The following SLC22A3 variants were observed in gnomAD, a reference collection of about 807,000 sequenced individuals.
SLC22A3 encodes the protein solute carrier family 22 member 3, also known as EMT organic cation transporter 3.
In SLC22A3, 51 loss-of-function variants were observed where a neutral mutation model predicts 59.1. The observed-to-expected ratio is 0.86, with a 90% CI of 0.69 to 1.09. SLC22A3 has a LOEUF of 1.09. Among genes scored for constraint, SLC22A3 ranks in the 50% least tolerant of loss-of-function variants. The pLI, the probability that SLC22A3 is intolerant of heterozygous loss-of-function variation, is 0.00. For missense variants in SLC22A3, 711 were observed against 726.3 expected, an observed-to-expected ratio of 0.98 and a Z score of 0.24; for synonymous variants, 325 against 292.0, an observed-to-expected ratio of 1.11 and a Z score of -1.15.
intron 5 of SLC22A3, among the ~76,000 whole-genome samples, chr6:160,420,266 G>A (rs1403893184): frequency 1.3e-5 from 2 of 152,198 alleles, no homozygotes; most frequent in Non-Finnish European, 2.9e-5. Context: ...CCTTGGAGCA[G>A]GCTAGGCAGA....
chr6:160,409,035 T>TA, intron 4 of SLC22A3, 114 bp downstream of exon 4: 1 of 780,214 alleles, frequency 1.3e-6, no homozygotes, highest in Non-Finnish European at 1.9e-6. Context: ...TTTTTTTTTA[T>TA]TATACTCTAA....
rs1788982068 is a variant in SLC22A3, at chr6:160,451,927, G to A, written c.*871G>A. 2 of 152,176 alleles carry A rather than the reference G, an allele frequency of 1.3e-5. No individual in the cohort carries two copies. Among genetic ancestry groups the A allele is most frequent in the South Asian group, 4.1e-4 (2 of 4,828 alleles). The allele number at this position is 152,176 out of a possible 1,614,324, so 9.4% of individuals were successfully genotyped here. Reference sequence around the variant, plus strand: ...AGGGATATTTTTCTTATATTTGTGAGTTCAGTTCCGATGGTGCCCGTGGTC... The same window carrying A: ...AGGGATATTTTTCTTATATTTGTGAATTCAGTTCCGATGGTGCCCGTGGTC... On this transcript the variant is annotated 3_prime_UTR_variant, in exon 11 of 11. Transcript: ENST00000275300.
Position 160,410,907 on chromosome 6 carries a change from T to G in SLC22A3, c.975+61T>G, listed in dbSNP as rs16891579. 0.013 allele frequency: 12,763 copies of G among 959,580 alleles called. 625 individuals are homozygous for G. In the African/African-American group the frequency reaches 0.14, roughly 10 times the overall value. The allele number at this position is 959,580 out of a possible 1,614,324, so 59.4% of individuals were successfully genotyped here. ...AAGCTGGTGAATTGATTTTGTTGCT[T>G]CTTGTGTACTTAATGTTGCTTCTTA... On this transcript the variant is annotated intron_variant, in intron 5 of 10. Transcript: ENST00000275300.
intron 1 of SLC22A3, among the ~76,000 whole-genome samples, chr6:160,384,056 A>C (rs1465245719): frequency 2.6e-5 from 4 of 152,112 alleles, no homozygotes; most frequent in African/African-American, 9.7e-5. Context: ...CAGCCTCCTG[A>C]ATAGCTGGGA....
At chr6:160,356,703 C>G (rs1471241225) in intron 1 of SLC22A3, among the ~76,000 whole-genome samples, 3 of 152,208 alleles carry the variant, frequency 2.0e-5, no homozygotes, top group Non-Finnish European at 4.4e-5. Flanking sequence ...TTCCCCACCC[C>G]CTCTTAAATC....
intron 2 of SLC22A3, among the ~76,000 whole-genome samples, chr6:160,404,050 A>T (rs1583482261): frequency 6.6e-6 from 1 of 152,082 alleles, no homozygotes; most frequent in South Asian, 2.1e-4. Context: ...TTTCAATGCC[A>T]TGCTAGAAGC....
At position 160,437,197 on chromosome 6, in the gene SLC22A3, C is replaced by T. The variant is rs763810451; in HGVS notation, c.1274C>T (p.Ala425Val). ...GCAGGGGTGGCATGCCTTGTCACTG[C>T]GTTCTTACCAGAAGGTAATCTTACC... ...IVAGVACLVT[A>V]FLPEGIAWLR... is the part of the protein sequence containing the mutation. The change falls in exon 7 of 11, where the codon GCG becomes GTG. Residue 425 changes from alanine (A) to valine (V), a missense_variant. Ala to Val is a moderately conservative substitution (Grantham distance 64, BLOSUM62 0). Coordinates refer to ENST00000275300, the MANE Select transcript of SLC22A3 (RefSeq NM_021977.4). The T allele has an allele frequency of 2.2e-5, 36 of 1,614,014 alleles. No individual in the cohort carries two copies. Among genetic ancestry groups the T allele is most frequent in the Non-Finnish European group, 2.4e-5 (28 of 1,179,942 alleles).
chr6:160,373,342 G>T (rs903167414), intron 1 of SLC22A3, among the ~76,000 whole-genome samples: 4 of 152,210 alleles, frequency 2.6e-5, no homozygotes, highest in African/African-American at 9.7e-5. Flanking sequence ...GGAGGCTGCA[G>T]AACAGCAAAG....
chr6:160,361,695 C>A (rs1022106244), intron 1 of SLC22A3, among the ~76,000 whole-genome samples: 5 of 152,100 alleles, frequency 3.3e-5, no homozygotes, highest in Admixed American at 3.3e-4. Flanking sequence ...TCTGGAGCTG[C>A]AGGATAGGAG....
intron 10 of SLC22A3, among the ~76,000 whole-genome samples, chr6:160,450,527 G>T (rs2457565): frequency 0.84 from 128,559 of 152,202 alleles, 54,490 homozygotes; most frequent in East Asian, 1. Flanking sequence ...TGGTCCTGAG[G>T]GACATACATC....
At chr6:160,428,120 C>T (rs901066777) in intron 5 of SLC22A3, among the ~76,000 whole-genome samples, 13 of 10,582 alleles carry the variant, frequency 1.2e-3, no homozygotes, top group African/African-American at 3.3e-3. Context: ...AAAAATAAAA[C>T]GCTCTCAGCT....
chr6:160,432,669 G>A (rs891204703), intron 5 of SLC22A3, among the ~76,000 whole-genome samples: 6 of 151,948 alleles, frequency 3.9e-5, no homozygotes, highest in Non-Finnish European at 8.8e-5. Context: ...CTCGTGATCC[G>A]CCCGCCTTGG....
chr6:160,354,985 C>A (rs543159), intron 1 of SLC22A3, among the ~76,000 whole-genome samples: 57,051 of 152,036 alleles, frequency 0.38, 12,056 homozygotes, highest in Non-Finnish European at 0.48. Context: ...CTCCTGCAGT[C>A]CCCGGAGGAT....
In SLC22A3 at chr6:160,410,785, T is replaced by G; in HGVS notation, c.914T>G (p.Leu305Ter). The change falls in exon 5 of 11, where the codon TTA (leucine) becomes TGA (stop). Residue 305 changes from leucine (L) to a stop codon, truncating the protein, a stop_gained. Transcript: ENST00000275300. LOFTEE classifies it high-confidence loss of function. ...LITRKKGDKA[L>*]QILRRIAKCN... is the part of the protein sequence containing the mutation. ...ACTCGGAAGAAAGGAGATAAAGCAT[T>G]ACAGATCCTGAGACGCATTGCTAAG... 1 of 1,613,420 alleles carries G rather than the reference T, an allele frequency of 6.2e-7. No individual in the cohort carries two copies. The highest frequency in any genetic ancestry group is 8.5e-7 in the Non-Finnish European group (1 of 1,179,588).
At chr6:160,409,003 A>G in intron 4 of SLC22A3, 82 bp downstream of exon 4, 1 of 1,251,494 alleles carries the variant, frequency 8.0e-7, no homozygotes. Context: ...TGAAAGCAAT[A>G]AAGAAAATTT....
intron 1 of SLC22A3, among the ~76,000 whole-genome samples, chr6:160,366,811 C>T (rs1785222175): frequency 6.6e-6 from 1 of 152,176 alleles, no homozygotes; most frequent in South Asian, 2.1e-4. Context: ...GCTGAGACCT[C>T]CTCAGCCTGG....
chr6:160,355,183 T>C (rs1229558200), intron 1 of SLC22A3, among the ~76,000 whole-genome samples: 1 of 152,232 alleles, frequency 6.6e-6, no homozygotes, highest in Non-Finnish European at 1.5e-5. Context: ...GTTAGGCTGC[T>C]CTGACTCATA....
intron 1 of SLC22A3, among the ~76,000 whole-genome samples, chr6:160,379,390 A>C (rs144923213): frequency 2.6e-3 from 403 of 152,316 alleles, no homozygotes; most frequent in African/African-American, 8.9e-3. Flanking sequence ...TTCTAGTAGC[A>C]AAAGAATATC....
intron 5 of SLC22A3, among the ~76,000 whole-genome samples, chr6:160,433,515 T>TCCACTA (rs1554274058): frequency 6.8e-5 from 10 of 146,870 alleles, no homozygotes; most frequent in Admixed American, 6.2e-4. Flanking sequence ...AGACCCTGTC[T>TCCACTA]CTACTACTAC....
Sources: gnomAD v4.1 joint callset for allele counts (sites outside exome capture counted in the v4.1 genomes callset) on GRCh38, gnomAD v4.1.1 for gene constraint, MANE v1.5 for transcripts, NCBI Gene and HGNC (gene_info 2026-07-23, HGNC 2026-07-21) for gene names.